Variants in ADAMTS3 observed in about 807,000 individuals in gnomAD.
The protein encoded by ADAMTS3 is A disintegrin and metalloproteinase with thrombospondin motifs 3.
A neutral mutation model predicts 129.0 loss-of-function variants in ADAMTS3; 73 were observed. The observed-to-expected ratio is 0.57, with a 90% CI of 0.47 to 0.69. The LOEUF (loss-of-function observed/expected upper bound fraction) is 0.69, where lower values mean the gene tolerates loss of function less well. Ranked by LOEUF, ADAMTS3 falls within the 30% of genes least tolerant of loss-of-function variation. The pLI, the probability that ADAMTS3 is intolerant of heterozygous loss-of-function variation, is 0.00. For synonymous variants in ADAMTS3, 477 were observed against 510.8 expected, an observed-to-expected ratio of 0.93 and a Z score of 0.89; for missense variants, 1,457 against 1,514.5, an observed-to-expected ratio of 0.96 and a Z score of 0.63.
intron 3 of ADAMTS3, among the ~76,000 whole-genome samples, chr4:72,471,549 A>C (rs1005858515): frequency 2.0e-5 from 3 of 152,080 alleles, no homozygotes; most frequent in Non-Finnish European, 4.4e-5. Context: ...TTCCAACTGC[A>C]TATGTTTATA....
chr4:72,436,965 C>A (rs891845405), intron 3 of ADAMTS3, among the ~76,000 whole-genome samples: 5 of 151,892 alleles, frequency 3.3e-5, no homozygotes, highest in African/African-American at 1.2e-4. Flanking sequence ...TGTAACAAAC[C>A]TGCACGTTGT....
At chr4:72,383,061 A>G (rs1721336792) in intron 4 of ADAMTS3, among the ~76,000 whole-genome samples, 1 of 151,918 alleles carries the variant, frequency 6.6e-6, no homozygotes, top group Non-Finnish European at 1.5e-5. Flanking sequence ...TAAAAAGAAT[A>G]TCCTGTGAAT....
chr4:72,381,676 CA>C (rs1416743599), intron 4 of ADAMTS3, among the ~76,000 whole-genome samples: 1 of 151,902 alleles, frequency 6.6e-6, no homozygotes. Flanking sequence ...AACTGGACTG[CA>C]AAAGTGTTAT....
intron 3 of ADAMTS3, among the ~76,000 whole-genome samples, chr4:72,509,513 C>G (rs985359266): frequency 1.3e-5 from 2 of 151,756 alleles, no homozygotes; most frequent in African/African-American, 4.8e-5. Context: ...ATTGGAAAAA[C>G]TAGAAAAATG....
At chr4:72,382,692 T>G (rs1014134839) in intron 4 of ADAMTS3, among the ~76,000 whole-genome samples, 1 of 152,114 alleles carries the variant, frequency 6.6e-6, no homozygotes, top group East Asian at 1.9e-4. Context: ...TGGCATACTA[T>G]GCAGCCATAA....
intron 4 of ADAMTS3, among the ~76,000 whole-genome samples, chr4:72,383,140 G>T (rs768790075): frequency 6.6e-6 from 1 of 151,242 alleles, no homozygotes; most frequent in Non-Finnish European, 1.5e-5. Flanking sequence ...TACTGCTGGT[G>T]ACATCTTCCA....
Position 72,319,983 on chromosome 4 carries a change from CT to C in ADAMTS3, c.1103-21del, listed in dbSNP as rs1180015699. 6.3e-7 allele frequency: 1 copy of C among 1,588,416 alleles called. No homozygotes were observed. The highest frequency in any genetic ancestry group is 2.2e-5 in the East Asian group (1 of 44,582). On this transcript the variant is annotated intron_variant, in intron 7 of 21. Transcript: ENST00000286657. The stretch of plus-strand genomic sequence containing the variant: ...CATATCCTGTAGAGAATAACAATTA[CT>C]TTTATTTTCATTTTATGAGAAAACC...
intron 21 of ADAMTS3, 60 bp downstream of exon 21, chr4:72,288,691 A>C (rs1718574816): frequency 1.8e-6 from 2 of 1,082,434 alleles, no homozygotes; most frequent in Admixed American, 3.8e-5. Context: ...TCAAAAGGAA[A>C]TTCTGCTTTT....
intron 3 of ADAMTS3, among the ~76,000 whole-genome samples, chr4:72,476,706 C>T (rs143104883): frequency 4.7e-4 from 72 of 152,062 alleles, no homozygotes; most frequent in African/African-American, 1.7e-3. Context: ...AGGAAAATTA[C>T]ACATCAACAT....
intron 3 of ADAMTS3, among the ~76,000 whole-genome samples, chr4:72,493,868 T>C (rs1719808299): frequency 6.6e-6 from 1 of 152,096 alleles, no homozygotes; most frequent in Admixed American, 6.6e-5. Flanking sequence ...ATTGTGGAGT[T>C]TTTTTCTTTC....
At chr4:72,321,421 G>A (rs1212974348) in intron 6 of ADAMTS3, among the ~76,000 whole-genome samples, 1 of 151,670 alleles carries the variant, frequency 6.6e-6, no homozygotes, top group Non-Finnish European at 1.5e-5. Flanking sequence ...GACCTCAAAT[G>A]ATCTTCCTGC....
Position 72,282,847 on chromosome 4 carries a change from C to T in ADAMTS3, c.*289G>A. On this transcript the variant is annotated 3_prime_UTR_variant, in exon 22 of 22. Transcript: ENST00000286657. ...GTCAGCTGATATGCACAATTGGTTC[C>T]AGTCCCTTTTCTGCTTCAGAGAGCG... The T allele has an allele frequency of 4.3e-6, 1 of 233,622 alleles. No homozygotes were observed. The highest frequency in any genetic ancestry group is 8.3e-6 in the Non-Finnish European group (1 of 120,848). The allele number at this position is 233,622 out of a possible 1,614,324, so 14.5% of individuals were successfully genotyped here.
At chr4:72,457,647 G>A (rs1479875060) in intron 3 of ADAMTS3, among the ~76,000 whole-genome samples, 1 of 151,596 alleles carries the variant, frequency 6.6e-6, no homozygotes, top group Non-Finnish European at 1.5e-5. Context: ...GTAGGTCCAC[G>A]ATTATTCCAT....
chr4:72,322,691 A>G (rs1257648961), intron 6 of ADAMTS3, among the ~76,000 whole-genome samples: 2 of 152,188 alleles, frequency 1.3e-5, no homozygotes, highest in Admixed American at 1.3e-4. Context: ...ACACTCGATG[A>G]TAACAATAGG....
At chr4:72,316,375 G>A (rs1719395417) in intron 10 of ADAMTS3, among the ~76,000 whole-genome samples, 1 of 152,100 alleles carries the variant, frequency 6.6e-6, no homozygotes, top group African/African-American at 2.4e-5. Flanking sequence ...GTAGGTATCA[G>A]ATAGATAGTT....
chr4:72,475,442 C>A (rs904004845), intron 3 of ADAMTS3, among the ~76,000 whole-genome samples: 1 of 151,648 alleles, frequency 6.6e-6, no homozygotes, highest in Non-Finnish European at 1.5e-5. Flanking sequence ...ATAAAATAGT[C>A]AATACAGGAA....
intron 4 of ADAMTS3, among the ~76,000 whole-genome samples, chr4:72,367,999 A>G (rs557976078): frequency 6.6e-6 from 1 of 152,344 alleles, no homozygotes; most frequent in Admixed American, 6.5e-5. Context: ...GCACTGTGAC[A>G]TATTTAGTAA....
At chr4:72,476,443 T>C (rs184940165) in intron 3 of ADAMTS3, among the ~76,000 whole-genome samples, 1 of 152,212 alleles carries the variant, frequency 6.6e-6, no homozygotes, top group Non-Finnish European at 1.5e-5. Flanking sequence ...TTAAACATCC[T>C]TGTAACCAAT....
chr4:72,341,896 T>A (rs1720146835), intron 4 of ADAMTS3, among the ~76,000 whole-genome samples: 1 of 152,206 alleles, frequency 6.6e-6, no homozygotes, highest in South Asian at 2.1e-4. Flanking sequence ...GTTCTTTCCA[T>A]GTTTCCTAAA....
Sources: allele counts gnomAD v4.1 joint callset (sites outside exome capture counted in the v4.1 genomes callset), GRCh38; gene constraint gnomAD v4.1.1; transcripts MANE v1.5; gene names NCBI Gene and HGNC (gene_info 2026-07-23, HGNC 2026-07-21).